The following TTLL2 variants were observed in gnomAD, a reference collection of about 807,000 sequenced individuals.
TTLL2 encodes probable tubulin polyglutamylase TTLL2.
A neutral mutation model predicts 7.5 loss-of-function variants in TTLL2; 10 were observed. The observed-to-expected ratio is 1.33, with a 90% CI of 0.82 to 2.25. The LOEUF (loss-of-function observed/expected upper bound fraction) is 2.25. Ranked by LOEUF, TTLL2 falls within the 30% of genes most tolerant of loss-of-function variation. The pLI is 0.00. For missense variants in TTLL2, 733 were observed against 735.7 expected, an observed-to-expected ratio of 1.00 and a Z score of 0.04; for synonymous variants, 284 against 280.3, an observed-to-expected ratio of 1.01 and a Z score of -0.13.
In TTLL2 at chr6:167,325,226, C is replaced by T. The variant is rs749209157; in HGVS notation, c.47+6C>T. 10 of 1,562,014 alleles carry T rather than the reference C, an allele frequency of 6.4e-6. No individual in the cohort carries two copies. Among genetic ancestry groups the T allele is most frequent in the East Asian group, 4.8e-5 (2 of 41,254 alleles). On this transcript the variant is annotated splice_donor_region_variant and intron_variant, in intron 1 of 2. Transcript: ENST00000239587. ...ACACAAAGCCAGGCGCTGGGGTAAG[C>T]GTAGGAGGCGACACGTAGGATGGGA...
At chr6:167,328,281 A>C in intron 1 of TTLL2, 1 of 353,914 alleles carries the variant, frequency 2.8e-6, no homozygotes, top group Non-Finnish European at 5.6e-6. Flanking sequence ...TGGGCAAATC[A>C]GTGGGCCCTC....
intron 1 of TTLL2, among the ~76,000 whole-genome samples, chr6:167,336,344 A>G (rs1778983477): frequency 6.6e-6 from 1 of 152,118 alleles, no homozygotes; most frequent in South Asian, 2.1e-4. Context: ...AATATATGTT[A>G]TGATATAATA....
intron 1 of TTLL2, among the ~76,000 whole-genome samples, chr6:167,331,175 TG>T (rs1778916248): frequency 6.6e-6 from 1 of 152,236 alleles, no homozygotes; most frequent in South Asian, 2.1e-4. Context: ...AGTGAAGTTT[TG>T]TTATGTATAA....
chr6:167,338,824 G>GTTACTTCCTTCCTTCC, intron 2 of TTLL2, 21 bp downstream of exon 2: 1 of 1,060,212 alleles, frequency 9.4e-7, no homozygotes. Flanking sequence ...AAGCCAGGTA[G>GTTACTTCCTTCCTTCC]TTCCTTCCTT....
chr6:167,335,822 G>C (rs1453248279), intron 1 of TTLL2, among the ~76,000 whole-genome samples: 3 of 127,768 alleles, frequency 2.3e-5, no homozygotes, highest in Non-Finnish European at 4.9e-5. Flanking sequence ...GGACTGTGGT[G>C]GGGTGGGGGG....
At chr6:167,333,176 T>C (rs1319209870) in intron 1 of TTLL2, among the ~76,000 whole-genome samples, 31 of 108,982 alleles carry the variant, frequency 2.8e-4, no homozygotes, top group African/African-American at 4.2e-4. Flanking sequence ...TGTCAAAGGC[T>C]TTTTCTGCAT....
rs374723694 is a variant in TTLL2, at chr6:167,340,168, C to T, written c.268C>T (p.Arg90Cys). ...SGALLKPLVF[R>C]VDETTPAVVQ... Reference sequence around the variant, plus strand: ...GGCCCTCTTGAAGCCGCTGGTTTTTCGCGTTGACGAGACCACCCCGGCTGT... The same window carrying T: ...GGCCCTCTTGAAGCCGCTGGTTTTTTGCGTTGACGAGACCACCCCGGCTGT... Residue 90 changes from arginine to cysteine, a missense_variant, in exon 3 of 3, where the codon CGC becomes TGC. Transcript: ENST00000239587. 5.5e-5 allele frequency: 89 copies of T among 1,607,118 alleles called. 1 individual carries two copies. Among genetic ancestry groups the T allele is most frequent in the African/African-American group, 2.7e-4 (20 of 74,514 alleles).
In TTLL2 at chr6:167,341,356, T is replaced by C. The variant is rs200373800; in HGVS notation, c.1456T>C (p.Ser486Pro). Residue 486 changes from serine (S) to proline (P), a missense_variant, in exon 3 of 3, where the codon TCC (serine) becomes CCC (proline). Transcript: ENST00000239587. ...VSVRPEAAPASQLEGEMSGQD... is the reference protein window; with the variant it reads ...VSVRPEAAPAPQLEGEMSGQD... Reference sequence around the variant, plus strand: ...TGTGCGTCCTGAAGCTGCACCTGCCTCCCAGCTGGAAGGAGAGATGAGTGG... The same window carrying C: ...TGTGCGTCCTGAAGCTGCACCTGCCCCCCAGCTGGAAGGAGAGATGAGTGG... 205 of 1,613,748 alleles carry C rather than the reference T, an allele frequency of 1.3e-4. 1 individual carries two copies. Among genetic ancestry groups the C allele is most frequent in the Non-Finnish European group, 1.5e-4 (182 of 1,179,972 alleles).
chr6:167,332,302 G>A (rs1458043857), intron 1 of TTLL2, among the ~76,000 whole-genome samples: 2 of 152,134 alleles, frequency 1.3e-5, no homozygotes, highest in African/African-American at 2.4e-5. Flanking sequence ...GATTAGTAGT[G>A]TGCTAATCAC....
intron 1 of TTLL2, among the ~76,000 whole-genome samples, 193 bp from the exon 2 acceptor site, chr6:167,338,454 G>GTC (rs1240158139): frequency 1.0e-5 from 1 of 99,282 alleles, no homozygotes; most frequent in Non-Finnish European, 2.2e-5. Flanking sequence ...GCACAACATA[G>GTC]TCACACACAC....
Position 167,340,136 on chromosome 6 carries a change from C to A in TTLL2, c.236C>A (p.Pro79His), listed in dbSNP as rs1469202789. Residue 79 changes from proline to histidine, a missense_variant, in exon 3 of 3, where the codon CCT (proline) becomes CAT (histidine). Pro to His is a moderately conservative substitution (Grantham distance 77). Coordinates refer to ENST00000239587, the MANE Select transcript of TTLL2 (RefSeq NM_031949.5). ...KKPHLMAEDEPSGALLKPLVF... is the reference protein window; with the variant it reads ...KKPHLMAEDEHSGALLKPLVF... ...CCTCATTTGATGGCGGAAGATGAAC[C>A]TTCAGGGGCCCTCTTGAAGCCGCTG... The A allele has an allele frequency of 1.9e-6, 3 of 1,596,652 alleles. No homozygotes were observed. The South Asian group carries it at 3.4e-5, about 18-fold the overall frequency.
Position 167,341,323 on chromosome 6 carries a change from G to A in TTLL2, c.1423G>A (p.Ala475Thr). The A allele has an allele frequency of 6.2e-7, 1 of 1,613,792 alleles. No individual in the cohort carries two copies. Among genetic ancestry groups the A allele is most frequent in the Non-Finnish European group, 8.5e-7 (1 of 1,179,982 alleles). Residue 475 changes from alanine (A) to threonine (T), a missense_variant, in exon 3 of 3, where the codon GCT becomes ACT. Transcript: ENST00000239587. ...YNEDDSVVEK[A>T]VSVRPEAAPA... ...CGAGGATGACTCTGTGGTGGAGAAA[G>A]CTGTGAGTGTGCGTCCTGAAGCTGC...
intron 1 of TTLL2, among the ~76,000 whole-genome samples, chr6:167,325,960 C>T (rs536380515): frequency 1.6e-4 from 24 of 152,212 alleles, no homozygotes; most frequent in Non-Finnish European, 2.4e-4. Flanking sequence ...CGGCCGAGAA[C>T]GGGTGCAAGG....
chr6:167,340,679 T>C lies in TTLL2; in HGVS notation c.779T>C (p.Val260Ala). Residue 260 changes from valine (V) to alanine (A), a missense_variant, in exon 3 of 3, where the codon GTT (valine) becomes GCT (alanine). Coordinates refer to ENST00000239587, the MANE Select transcript of TTLL2 (RefSeq NM_031949.5). ...TATAAATGTGATCTCCGCATCTATG[T>C]TTGTGTTACTGGCTTTAAGCCTTTG... ...GRYKCDLRIY[V>A]CVTGFKPLTI... The C allele has an allele frequency of 6.2e-7, 1 of 1,614,202 alleles. No individual in the cohort carries two copies. Among genetic ancestry groups the C allele is most frequent in the Non-Finnish European group, 8.5e-7 (1 of 1,180,034 alleles).
At chr6:167,338,836 C>CTTCT in intron 2 of TTLL2, 33 bp downstream of exon 2, 2 of 1,378,644 alleles carry the variant, frequency 1.5e-6, no homozygotes, top group Non-Finnish European at 1.9e-6. Context: ...TCCTTCCTTC[C>CTTCT]TTCCTTCCTT....
At chr6:167,338,930 C>T in intron 2 of TTLL2, 127 bp downstream of exon 2, 1 of 930,714 alleles carries the variant, frequency 1.1e-6, no homozygotes, top group East Asian at 2.9e-5. Flanking sequence ...CTCCTTCTCT[C>T]CTTCCTTCCC....
In TTLL2 at chr6:167,342,033, G is replaced by T; in HGVS notation, c.*354G>T. ...TTCTAATATTTTTAAAGGATTATTA[G>T]GTGAAAACAGTACAAAAGAAGCCAG... On this transcript the variant is annotated 3_prime_UTR_variant, in exon 3 of 3. Transcript: ENST00000239587. 5.6e-6 allele frequency: 1 copy of T among 179,272 alleles called. No individual in the cohort carries two copies. The highest frequency in any genetic ancestry group is 1.2e-5 in the Non-Finnish European group (1 of 85,556). The allele number at this position is 179,272 out of a possible 1,614,324, so 11.1% of individuals were successfully genotyped here. A position where few individuals can be genotyped will look rare whatever the true frequency, so the allele number is the denominator to read the frequency against.
In TTLL2 at chr6:167,340,258, G is replaced by A. The variant is rs1400295012; in HGVS notation, c.358G>A (p.Asp120Asn). Reference sequence around the variant, plus strand: ...TGATAAGCAGGAGCAGAACGCGGAGGACTGGAACCTGTACTGGAGGACATC... The same window carrying A: ...TGATAAGCAGGAGCAGAACGCGGAGAACTGGAACCTGTACTGGAGGACATC... ...KFDKQEQNAE[D>N]WNLYWRTSSF... is the part of the protein sequence containing the mutation. The change falls in exon 3 of 3, where the codon GAC becomes AAC. Residue 120 changes from aspartate to asparagine, a missense_variant. Transcript: ENST00000239587. The A allele has an allele frequency of 3.7e-6, 6 of 1,613,996 alleles. No individual in the cohort carries two copies. The highest frequency in any genetic ancestry group is 3.3e-5 in the South Asian group (3 of 91,076).
chr6:167,338,705 A>G lies in TTLL2; in HGVS notation c.106A>G (p.Thr36Ala), dbSNP rs1321479108. 2 of 1,613,946 alleles carry G rather than the reference A, an allele frequency of 1.2e-6. No individual in the cohort carries two copies. Among genetic ancestry groups the G allele is most frequent in the Non-Finnish European group, 1.7e-6 (2 of 1,179,988 alleles). ...TLNIPSEANH[T>A]EQPPAGLGAR... ...TAACATTCCATCCGAGGCAAACCAC[A>G]CTGAGCAGCCGCCTGCAGGCCTGGG... The change falls in exon 2 of 3, where the codon ACT becomes GCT. Residue 36 changes from threonine to alanine, a missense_variant. Coordinates refer to ENST00000239587, the MANE Select transcript of TTLL2 (RefSeq NM_031949.5).
Sources: gnomAD v4.1 joint callset for allele counts (sites outside exome capture counted in the v4.1 genomes callset) on GRCh38, gnomAD v4.1.1 for gene constraint, MANE v1.5 for transcripts, NCBI Gene and HGNC (gene_info 2026-07-23, HGNC 2026-07-21) for gene names.